The following SEPTIN9 variants were observed in gnomAD, a reference collection of about 807,000 sequenced individuals.
SEPTIN9 encodes septin-9.
In SEPTIN9, 13 loss-of-function variants were observed where a neutral mutation model predicts 56.6. That is an observed-to-expected ratio of 0.23 (90% CI 0.15 to 0.37). The LOEUF is 0.37. Ranked by LOEUF, SEPTIN9 falls within the 10% of genes least tolerant of loss-of-function variation. SEPTIN9 has a pLI of 1.00. For synonymous variants in SEPTIN9, 332 were observed against 334.1 expected, an observed-to-expected ratio of 0.99 and a Z score of 0.07; for missense variants, 650 against 823.1, an observed-to-expected ratio of 0.79 and a Z score of 2.57.
intron 1 of SEPTIN9, chr17:77,281,890 A>G: frequency 2.7e-6 from 1 of 366,194 alleles, no homozygotes; most frequent in Non-Finnish European, 5.0e-6. Context: ...GTGTGGGTGA[A>G]TGGGGTCGGG....
intron 8 of SEPTIN9, 93 bp downstream of exon 8, chr17:77,490,952 T>G (rs905966157): frequency 7.0e-6 from 7 of 1,003,284 alleles, no homozygotes; most frequent in Non-Finnish European, 9.2e-6. Flanking sequence ...GGAGTCACAC[T>G]GTCAGGGAGA....
At chr17:77,493,707 C>T (rs948099506) in intron 10 of SEPTIN9, among the ~76,000 whole-genome samples, 3 of 151,536 alleles carry the variant, frequency 2.0e-5, no homozygotes, top group African/African-American at 7.3e-5. Context: ...ATGCTCTAAT[C>T]TCTGCCCCAT....
At chr17:77,300,891 C>A (rs1162656565) in intron 1 of SEPTIN9, among the ~76,000 whole-genome samples, 1 of 126,102 alleles carries the variant, frequency 7.9e-6, no homozygotes, top group Non-Finnish European at 1.7e-5. Context: ...GCCCCCATCC[C>A]AGCTCAAACC....
rs765080440 is a variant in SEPTIN9 at position 77,402,585 on chromosome 17, CCCCAG to C, written c.614_618del (p.Ala205AspfsTer27). ...CCAAGCCTGCTGAGGCGCCCACCGCCCCCAGCCCAGCCCAGACCTTGGAGAATTCA... is the reference window on the plus strand; with the variant it reads ...CCAAGCCTGCTGAGGCGCCCACCGCCCCCAGCCCAGACCTTGGAGAATTCA... On this transcript the variant is annotated frameshift_variant, in exon 3 of 12. Transcript: ENST00000427177. LOFTEE classifies it high-confidence loss of function. The surrounding 1 kb of genome is among the most constrained non-coding windows in gnomAD (Gnocchi z 6.6). 1.2e-6 allele frequency: 2 copies of C among 1,612,202 alleles called. No individual in the cohort carries two copies. Among genetic ancestry groups the C allele is most frequent in the African/African-American group, 1.3e-5 (1 of 75,016 alleles).
chr17:77,353,988 A>G (rs2034143068), intron 2 of SEPTIN9, among the ~76,000 whole-genome samples: 5 of 152,054 alleles, frequency 3.3e-5, no homozygotes, highest in Admixed American at 2.6e-4. Context: ...AAGACTCCCC[A>G]CAAGGGTCCC....
In SEPTIN9 at chr17:77,476,420, T is replaced by G. The variant is rs557136172; in HGVS notation, c.722-5724T>G. Among the ~76,000 whole-genome samples the G allele has an allele frequency of 5.6e-4, 86 of 152,288 alleles. No individual in the cohort carries two copies. The highest frequency in any genetic ancestry group is 1.1e-3 in the Admixed American group (17 of 15,304). On this transcript the variant is annotated intron_variant, in intron 3 of 11. Transcript: ENST00000427177. The surrounding 1 kb of genome is among the most constrained non-coding windows in gnomAD (Gnocchi z 6.0). ...AGACAGCAATCTGATTCCCTCATCC[T>G]CGGCAGGTCCTGGGGTTGGGGTAAG...
chr17:77,284,850 G>A (rs530326863), intron 1 of SEPTIN9, among the ~76,000 whole-genome samples: 1 of 152,130 alleles, frequency 6.6e-6, no homozygotes, highest in African/African-American at 2.4e-5. Flanking sequence ...GGCTGATCTC[G>A]AACTCCTGAC....
rs559533065 is a variant in SEPTIN9 at position 77,437,903 on chromosome 17, C to T, written c.721+35200C>T. Among the ~76,000 whole-genome samples, 59 of 152,322 alleles carry T rather than the reference C, an allele frequency of 3.9e-4. No individual in the cohort carries two copies. The highest frequency in any genetic ancestry group is 6.3e-4 in the Non-Finnish European group (43 of 68,018). On this transcript the variant is annotated intron_variant, in intron 3 of 11. Coordinates refer to ENST00000427177, the MANE Select transcript of SEPTIN9 (RefSeq NM_001113491.2). The surrounding 1 kb of genome is among the most constrained non-coding windows in gnomAD (Gnocchi z 5.3). ...GGTGACAGTGGGGGCCCCTTGCTTG[C>T]GCTGGTGACTGTGGCTGGTTGTTGG...
At chr17:77,404,002 C>G (rs1299830420) in intron 3 of SEPTIN9, among the ~76,000 whole-genome samples, 2 of 152,152 alleles carry the variant, frequency 1.3e-5, no homozygotes, top group Non-Finnish European at 2.9e-5. Flanking sequence ...TTTGACCACT[C>G]TAGGAACCTT....
chr17:77,390,151 C>T (rs1334868104), intron 2 of SEPTIN9, among the ~76,000 whole-genome samples: 3 of 151,740 alleles, frequency 2.0e-5, no homozygotes, highest in Non-Finnish European at 4.4e-5. Context: ...TTACTGTGGT[C>T]CTGGTTCTGC....
At chr17:77,415,773 A>C (rs778061090) in intron 3 of SEPTIN9, among the ~76,000 whole-genome samples, 1 of 152,206 alleles carries the variant, frequency 6.6e-6, no homozygotes, top group Non-Finnish European at 1.5e-5. Context: ...CACACGAGGG[A>C]AGCATGGCGA....
At chr17:77,484,988 GTGA>G (rs1339691338) in intron 4 of SEPTIN9, among the ~76,000 whole-genome samples, 10 of 16,732 alleles carry the variant, frequency 6.0e-4, no homozygotes, top group Admixed American at 9.5e-4. Flanking sequence ...GGTGGTGATT[GTGA>G]TGGTGGTGAA....
At chr17:77,342,899 G>A (rs892259672) in intron 2 of SEPTIN9, among the ~76,000 whole-genome samples, 28 of 152,110 alleles carry the variant, frequency 1.8e-4, no homozygotes, top group African/African-American at 6.0e-4. Context: ...GTTTGAGCCC[G>A]GGAAGGCAGA....
chr17:77,438,525 G>A (rs915050621), intron 3 of SEPTIN9, among the ~76,000 whole-genome samples: 4 of 152,156 alleles, frequency 2.6e-5, no homozygotes, highest in South Asian at 2.1e-4. Context: ...TGATCCACAC[G>A]GGCCCGCTGT....
rs2040391273 is a variant in SEPTIN9, at chr17:77,498,836, GGCCGCGGCC to G, written c.*179_*187del. ...CTCCCTCCGAGTGAGTCAGTGATGA[GGCCGCGGCC>G]TCCCCGAGGTTGTGGGGAGGCTGCA... On this transcript the variant is annotated 3_prime_UTR_variant, in exon 12 of 12. Coordinates refer to ENST00000427177, the MANE Select transcript of SEPTIN9 (RefSeq NM_001113491.2). 3.2e-6 allele frequency: 2 copies of G among 634,444 alleles called. No individual in the cohort carries two copies. Among genetic ancestry groups the G allele is most frequent in the East Asian group, 6.1e-5 (2 of 32,658 alleles). The allele number at this position is 634,444 out of a possible 1,614,324, so 39.3% of individuals were successfully genotyped here. A position where few individuals can be genotyped will look rare whatever the true frequency, so the allele number is the denominator to read the frequency against.
intron 2 of SEPTIN9, among the ~76,000 whole-genome samples, chr17:77,347,310 G>C (rs1334009563): frequency 6.6e-6 from 1 of 151,698 alleles, no homozygotes; most frequent in Non-Finnish European, 1.5e-5. Context: ...CCCAGGAGGT[G>C]GAGGTTGCAG....
chr17:77,484,425 G>GGGTGATGGTGATGGT (rs1171099871), intron 4 of SEPTIN9, among the ~76,000 whole-genome samples: 4 of 105,970 alleles, frequency 3.8e-5, no homozygotes, highest in African/African-American at 1.0e-4. Context: ...GTGATGATGT[G>GGGTGATGGTGATGGT]GGTGATGGTG....
chr17:77,301,114 C>T (rs948228402), intron 1 of SEPTIN9, among the ~76,000 whole-genome samples: 1 of 151,970 alleles, frequency 6.6e-6, no homozygotes, highest in African/African-American at 2.4e-5. Flanking sequence ...ACCCCAGGCT[C>T]AAAGTGGGAA....
At chr17:77,295,094 A>C (rs962617122) in intron 1 of SEPTIN9, among the ~76,000 whole-genome samples, 8 of 152,200 alleles carry the variant, frequency 5.3e-5, no homozygotes, top group Non-Finnish European at 1.0e-4. Flanking sequence ...CACCTCACAC[A>C]AGAGAAAATG....
Sources: allele counts gnomAD v4.1 joint callset (sites outside exome capture counted in the v4.1 genomes callset), GRCh38; gene constraint gnomAD v4.1.1; non-coding constraint Gnocchi (gnomAD v3.1); transcripts MANE v1.5; gene names NCBI Gene and HGNC (gene_info 2026-07-23, HGNC 2026-07-21).